KCNJ1: variants seen among roughly 807,000 people sequenced by gnomAD.
The protein encoded by KCNJ1 is potassium inwardly rectifying channel subfamily J member 1, also known as ATP-sensitive inward rectifier potassium channel 1.
KCNJ1 carries 24 observed loss-of-function variants against 21.9 expected under a neutral mutation model. That is an observed-to-expected ratio of 1.10 (90% CI 0.79 to 1.54). The LOEUF (loss-of-function observed/expected upper bound fraction) is 1.54. KCNJ1 is among the 40% of genes most tolerant of loss of function. The pLI, the probability that KCNJ1 is intolerant of heterozygous loss-of-function variation, is 0.00. For synonymous variants in KCNJ1, 152 were observed against 160.9 expected, an observed-to-expected ratio of 0.94 and a Z score of 0.42; for missense variants, 457 against 455.4, an observed-to-expected ratio of 1.00 and a Z score of -0.03.
Position 128,859,270 on chromosome 11 carries a change from T to C in KCNJ1, c.-192+7903A>G, listed in dbSNP as rs73025218. 1.8e-3 allele frequency among the ~76,000 whole-genome samples: 277 copies of C among 152,310 alleles called. 1 individual carries two copies. Among genetic ancestry groups the C allele is most frequent in the Non-Finnish European group, 2.9e-3 (197 of 68,022 alleles). ...GAACTGGGGTAGGAACGCAGCTCTT[T>C]TTGAGACAGGGTCTTGCTCTGTTGC... On this transcript the variant is annotated intron_variant, in intron 1 of 2. Coordinates refer to ENST00000392666, the MANE Select transcript of KCNJ1 (RefSeq NM_153766.3).
At chr11:128,860,844 C>G (rs973383084) in intron 1 of KCNJ1, among the ~76,000 whole-genome samples, 2 of 152,216 alleles carry the variant, frequency 1.3e-5, no homozygotes, top group South Asian at 2.1e-4. Context: ...GACAGGGGCA[C>G]GCCCAGCCCC....
At chr11:128,851,555 C>T (rs1044472170) in intron 1 of KCNJ1, among the ~76,000 whole-genome samples, 3 of 152,130 alleles carry the variant, frequency 2.0e-5, no homozygotes, top group African/African-American at 7.2e-5. Context: ...TGAAGGAATT[C>T]CAGTGTTTAT....
In KCNJ1 at chr11:128,839,263, C is replaced by G. The variant is rs894785273; in HGVS notation, c.981G>C (p.Lys327Asn). 2 of 1,614,068 alleles carry G rather than the reference C, an allele frequency of 1.2e-6. No individual in the cohort carries two copies. Among genetic ancestry groups the G allele is most frequent in the African/African-American group, 1.3e-5 (1 of 74,926 alleles). ...KYRVDFHNFS[K>N]TVEVETPHCA... ...AGTGAGGGGTCTCCACTTCCACTGT[C>G]TTGCTAAAGTTATGGAAATCCACTC... Residue 327 changes from lysine (K) to asparagine (N), a missense_variant, in exon 3 of 3, where the codon AAG becomes AAC. Coordinates refer to ENST00000392666, the MANE Select transcript of KCNJ1 (RefSeq NM_153766.3).
chr11:128,839,136 T>G lies in KCNJ1; in HGVS notation c.1108A>C (p.Thr370Pro). 1.2e-6 allele frequency: 2 copies of G among 1,613,778 alleles called. No homozygotes were observed. Among genetic ancestry groups the G allele is most frequent in the Non-Finnish European group, 1.7e-6 (2 of 1,179,960 alleles). ...ILSEVNETDD[T>P]KM ...TTGAAAAGCCACTGTTACATTTTGG[T>G]GTCATCTGTTTCATTGACTTCTGAC... The change falls in exon 3 of 3, where the codon ACC becomes CCC. Residue 370 changes from threonine (T) to proline (P), a missense_variant. Transcript: ENST00000392666.
At chr11:128,862,605 C>T (rs1943738120) in intron 1 of KCNJ1, among the ~76,000 whole-genome samples, 1 of 152,210 alleles carries the variant, frequency 6.6e-6, no homozygotes, top group South Asian at 2.1e-4. Flanking sequence ...GTCATGCAGC[C>T]ACTCTTGTAC....
At chr11:128,842,274 A>T in intron 2 of KCNJ1, 8 of 1,186,732 alleles carry the variant, frequency 6.7e-6, no homozygotes, top group Non-Finnish European at 1.0e-5. Context: ...GTGAAGAAGT[A>T]CCCCCTGATT....
intron 1 of KCNJ1, among the ~76,000 whole-genome samples, chr11:128,859,886 A>T (rs1208497899): frequency 6.6e-6 from 1 of 152,248 alleles, no homozygotes; most frequent in Non-Finnish European, 1.5e-5. Flanking sequence ...AAGAAACAGT[A>T]ACTAGAAGTG....
chr11:128,852,409 G>A (rs545554183), intron 1 of KCNJ1, among the ~76,000 whole-genome samples: 1 of 152,264 alleles, frequency 6.6e-6, no homozygotes, highest in African/African-American at 2.4e-5. Flanking sequence ...CAGCATTTCT[G>A]TTGACTCCGT....
chr11:128,848,719 G>C (rs1449576115), intron 2 of KCNJ1, among the ~76,000 whole-genome samples: 1 of 152,162 alleles, frequency 6.6e-6, no homozygotes, highest in African/African-American at 2.4e-5. Context: ...CACACAATGG[G>C]AGCTACTTGG....
chr11:128,848,446 C>A (rs980725618), intron 2 of KCNJ1, among the ~76,000 whole-genome samples: 30 of 152,196 alleles, frequency 2.0e-4, no homozygotes, highest in African/African-American at 7.0e-4. Context: ...CCTCCCTCAG[C>A]CTCCCAAAGT....
intron 1 of KCNJ1, among the ~76,000 whole-genome samples, chr11:128,861,711 G>A (rs1943711407): frequency 6.6e-6 from 1 of 152,004 alleles, no homozygotes; most frequent in African/African-American, 2.4e-5. Context: ...CCTGCCTGTC[G>A]GTAAGCGGCC....
In KCNJ1 at chr11:128,855,986, G is replaced by C. The variant is rs78565556; in HGVS notation, c.-191-5096C>G. ...GCAGGAAGGATGCATAGTCCTGCTC[G>C]GGGCTCTTGCCAGGTCTTGGGAAGT... On this transcript the variant is annotated intron_variant, in intron 1 of 2. Coordinates refer to ENST00000392666, the MANE Select transcript of KCNJ1 (RefSeq NM_153766.3). Among the ~76,000 whole-genome samples, 981 of 152,292 alleles carry C rather than the reference G, an allele frequency of 6.4e-3. 3 individuals carry two copies. The highest frequency in any genetic ancestry group is 0.022 in the African/African-American group (913 of 41,560).
intron 2 of KCNJ1, among the ~76,000 whole-genome samples, chr11:128,843,037 C>T (rs1033776854): frequency 6.6e-6 from 1 of 152,138 alleles, no homozygotes; most frequent in Admixed American, 6.5e-5. Context: ...CTTTATTATT[C>T]GGGAAAACCT....
rs746616002 is a variant in KCNJ1 at position 128,842,362 on chromosome 11, T to C, written c.-21-2098A>G. Reference sequence around the variant, plus strand: ...TCTGCCTGGCTTTCCAGAGAGGTGATTTCCCCAGCCTCCACTTACCAACGT... The same window carrying C: ...TCTGCCTGGCTTTCCAGAGAGGTGACTTCCCCAGCCTCCACTTACCAACGT... On this transcript the variant is annotated intron_variant, in intron 2 of 2. Transcript: ENST00000392666. 2.5e-6 allele frequency: 4 copies of C among 1,613,696 alleles called. No homozygotes were observed. The Middle Eastern group carries it at 5.0e-4, about 200-fold the overall frequency.
intron 2 of KCNJ1, among the ~76,000 whole-genome samples, chr11:128,850,079 G>A (rs938447486): frequency 2.7e-5 from 4 of 148,836 alleles, no homozygotes; most frequent in Non-Finnish European, 4.5e-5. Context: ...GGGCCCCCCC[G>A]CCTCCAACCA....
intron 2 of KCNJ1, among the ~76,000 whole-genome samples, chr11:128,844,936 A>C (rs761340845): frequency 6.6e-6 from 1 of 152,156 alleles, no homozygotes; most frequent in Non-Finnish European, 1.5e-5. Flanking sequence ...CATTTCTGAG[A>C]GTCAGGATTT....
intron 1 of KCNJ1, among the ~76,000 whole-genome samples, chr11:128,851,368 G>A (rs891460015): frequency 1.3e-5 from 2 of 152,144 alleles, no homozygotes; most frequent in African/African-American, 4.8e-5. Context: ...ATCCTATAGT[G>A]GATTATTTTA....
chr11:128,847,735 C>T (rs376354286), intron 2 of KCNJ1, among the ~76,000 whole-genome samples: 3 of 152,328 alleles, frequency 2.0e-5, no homozygotes, highest in South Asian at 2.1e-4. Flanking sequence ...AGCCTGAACC[C>T]GGGCAGGGTG....
chr11:128,845,063 C>T (rs1374881959), intron 2 of KCNJ1, among the ~76,000 whole-genome samples: 5 of 152,222 alleles, frequency 3.3e-5, no homozygotes, highest in Non-Finnish European at 7.3e-5. Flanking sequence ...AAAATTACTG[C>T]TTTGTCAACA....
Sources: allele counts gnomAD v4.1 joint callset (sites outside exome capture counted in the v4.1 genomes callset), GRCh38; gene constraint gnomAD v4.1.1; transcripts MANE v1.5; gene names NCBI Gene and HGNC (gene_info 2026-07-23, HGNC 2026-07-21).